USP33: variants seen among roughly 807,000 people sequenced by gnomAD.
The protein encoded by USP33 is ubiquitin carboxyl-terminal hydrolase 33.
In USP33, 46 loss-of-function variants were observed where a neutral mutation model predicts 124.2. That is an observed-to-expected ratio of 0.37 (90% CI 0.29 to 0.47). The LOEUF (loss-of-function observed/expected upper bound fraction) is 0.47. Ranked by LOEUF, USP33 falls within the 20% of genes least tolerant of loss-of-function variation. The pLI, the probability that USP33 is intolerant of heterozygous loss-of-function variation, is 0.99. For synonymous variants in USP33, 350 were observed against 352.3 expected, an observed-to-expected ratio of 0.99 and a Z score of 0.07; for missense variants, 851 against 1,070.6, an observed-to-expected ratio of 0.79 and a Z score of 2.86.
chr1:77,754,449 A>T (rs1291064481), intron 1 of USP33, among the ~76,000 whole-genome samples: 1 of 152,218 alleles, frequency 6.6e-6, no homozygotes, highest in Non-Finnish European at 1.5e-5. Flanking sequence ...AACAAGCAGA[A>T]AAGTTTATTT....
intron 8 of USP33, 33 bp downstream of exon 8, chr1:77,730,585 T>C (rs779937298): frequency 3.6e-6 from 5 of 1,403,872 alleles, no homozygotes; most frequent in Non-Finnish European, 4.8e-6. Context: ...TTTAAAAGTT[T>C]AATAAAGAAG....
intron 17 of USP33, 42 bp from the exon 18 acceptor site, chr1:77,715,910 C>G: frequency 1.9e-6 from 3 of 1,587,742 alleles, no homozygotes; most frequent in Non-Finnish European, 2.6e-6. Context: ...AATACAAAAA[C>G]AACAGAAGAA....
intron 5 of USP33, 46 bp from the exon 6 acceptor site, chr1:77,736,204 T>TA (rs941866397): frequency 3.7e-6 from 5 of 1,350,012 alleles, no homozygotes; most frequent in African/African-American, 3.0e-5. Context: ...TCCTTAAATT[T>TA]AAAAAAAGTT....
At chr1:77,751,876 G>C (rs537435314) in intron 1 of USP33, among the ~76,000 whole-genome samples, 12 of 152,130 alleles carry the variant, frequency 7.9e-5, no homozygotes, top group Admixed American at 7.2e-4. Context: ...TTCCAGTAGA[G>C]ATGGGGTTTC....
intron 15 of USP33, chr1:77,720,709 T>C: frequency 4.0e-6 from 3 of 742,104 alleles, no homozygotes; most frequent in East Asian, 2.6e-4. Flanking sequence ...CTAAATTGAT[T>C]ACAAGACAGA....
chr1:77,699,448 A>G (rs1225762749), intron 22 of USP33, among the ~76,000 whole-genome samples: 1 of 152,156 alleles, frequency 6.6e-6, no homozygotes. Context: ...TGAACCCAGG[A>G]GGAGGTTGCA....
At chr1:77,751,141 T>C (rs1221223936) in intron 1 of USP33, among the ~76,000 whole-genome samples, 1 of 152,290 alleles carries the variant, frequency 6.6e-6, no homozygotes, top group African/African-American at 2.4e-5. Context: ...TCACAAAGAG[T>C]GCACAAGATT....
chr1:77,731,308 C>G (rs1677779684), intron 7 of USP33, among the ~76,000 whole-genome samples: 1 of 152,194 alleles, frequency 6.6e-6, no homozygotes. Flanking sequence ...TGCACTTCCT[C>G]CAGCCTTCTA....
At chr1:77,725,101 G>A (rs372895045) in intron 11 of USP33, among the ~76,000 whole-genome samples, 6 of 152,012 alleles carry the variant, frequency 3.9e-5, no homozygotes, top group East Asian at 1.9e-4. Context: ...ATTCAGACAC[G>A]CAGTAACATA....
At chr1:77,748,050 T>C (rs1557870318) in intron 1 of USP33, among the ~76,000 whole-genome samples, 1 of 152,234 alleles carries the variant, frequency 6.6e-6, no homozygotes, top group African/African-American at 2.4e-5. Flanking sequence ...CTTTTCATGG[T>C]TTCCCTGGCT....
Position 77,717,855 on chromosome 1 carries a change from C to T in USP33, c.1918+12G>A. The T allele has an allele frequency of 6.2e-7, 1 of 1,604,196 alleles. No individual in the cohort carries two copies. The highest frequency in any genetic ancestry group is 8.5e-7 in the Non-Finnish European group (1 of 1,176,038). ...TTAAATCTAGGAACAACTGTTAAAC[C>T]TATATACTTACTACTTGCAGTTCCA... is the stretch of plus-strand genomic sequence containing the variant. On this transcript the variant is annotated intron_variant, in intron 17 of 23. Coordinates refer to ENST00000370794, the MANE Select transcript of USP33 (RefSeq NM_201624.3).
At chr1:77,743,436 C>G (rs983117008) in intron 1 of USP33, among the ~76,000 whole-genome samples, 1 of 152,084 alleles carries the variant, frequency 6.6e-6, no homozygotes, top group Non-Finnish European at 1.5e-5. Context: ...CTGCAACACA[C>G]AAAATTCACC....
intron 21 of USP33, among the ~76,000 whole-genome samples, chr1:77,703,740 A>G (rs891305305): frequency 2.6e-5 from 4 of 152,144 alleles, no homozygotes; most frequent in Admixed American, 1.3e-4. Flanking sequence ...ACCTTTTAAT[A>G]TAACATATAA....
Position 77,721,898 on chromosome 1 carries a change from C to G in USP33, c.1590G>C (p.Trp530Cys). ...KRFVVSCVPSWFWGPVVTLQD... is the reference protein window; with the variant it reads ...KRFVVSCVPSCFWGPVVTLQD... ...GCAAGGTTACTACTGGACCCCAAAA[C>G]CAGCTAGGGACACATGAGACAACAA... Residue 530 changes from tryptophan (W) to cysteine (C), a missense_variant, in exon 14 of 24, where the codon TGG becomes TGC. Physicochemically the swap from Trp to Cys is radical, Grantham distance 215. Around this residue, in one of 4 missense-constraint regions of USP33, gnomAD observed 281 missense variants for 425.0 expected, o/e 0.66. Coordinates refer to ENST00000370794, the MANE Select transcript of USP33 (RefSeq NM_201624.3). 1 of 1,610,370 alleles carries G rather than the reference C, an allele frequency of 6.2e-7. No individual in the cohort carries two copies. Among genetic ancestry groups the G allele is most frequent in the Non-Finnish European group, 8.5e-7 (1 of 1,179,154 alleles).
intron 7 of USP33, among the ~76,000 whole-genome samples, chr1:77,731,098 A>C (rs1403885394): frequency 6.6e-6 from 1 of 152,164 alleles, no homozygotes; most frequent in Non-Finnish European, 1.5e-5. Context: ...TTTTGGCCTC[A>C]GACATGTAAA....
intron 6 of USP33, 41 bp from the exon 7 acceptor site, chr1:77,734,457 G>C: frequency 7.7e-7 from 1 of 1,299,584 alleles, no homozygotes; most frequent in Non-Finnish European, 1.1e-6. Context: ...ATTCAATAAT[G>C]CAAAATGACT....
chr1:77,741,516 T>C, intron 2 of USP33, 87 bp from the exon 3 acceptor site: 3 of 1,541,004 alleles, frequency 1.9e-6, no homozygotes, highest in Non-Finnish European at 2.6e-6. Flanking sequence ...TCATACATAT[T>C]TTTAAAATAC....
intron 21 of USP33, among the ~76,000 whole-genome samples, chr1:77,704,052 C>T (rs932690231): frequency 4.6e-5 from 7 of 151,554 alleles, no homozygotes; most frequent in African/African-American, 1.7e-4. Flanking sequence ...GAGATCGAGG[C>T]TGCAGAAAGC....
At chr1:77,702,916 G>C (rs933674706) in intron 21 of USP33, among the ~76,000 whole-genome samples, 2 of 152,108 alleles carry the variant, frequency 1.3e-5, no homozygotes, top group African/African-American at 2.4e-5. Context: ...TGTGTAAGTA[G>C]TGTGTAAGTA....
Sources: allele counts gnomAD v4.1 joint callset (sites outside exome capture counted in the v4.1 genomes callset), GRCh38; gene constraint gnomAD v4.1.1; regional missense constraint gnomAD v4.1.1; transcripts MANE v1.5; gene names NCBI Gene and HGNC (gene_info 2026-07-23, HGNC 2026-07-21).